SGCZ: variants seen among roughly 807,000 people sequenced by gnomAD.
SGCZ encodes the protein sarcoglycan zeta.
In SGCZ, 40 loss-of-function variants were observed where a neutral mutation model predicts 41.3. The observed-to-expected ratio is 0.97, with a 90% CI of 0.75 to 1.26. The LOEUF (loss-of-function observed/expected upper bound fraction) is 1.26, where lower values mean the gene tolerates loss of function less well. Ranked by LOEUF, SGCZ falls within the 50% of genes most tolerant of loss-of-function variation. The pLI is 0.00. For missense variants in SGCZ, 552 were observed against 369.8 expected, an observed-to-expected ratio of 1.49 and a Z score of -4.04; for synonymous variants, 206 against 137.5, an observed-to-expected ratio of 1.50 and a Z score of -3.49.
chr8:14,257,055 G>T (rs752107842), intron 3 of SGCZ, among the ~76,000 whole-genome samples: 1 of 152,056 alleles, frequency 6.6e-6, no homozygotes, highest in Non-Finnish European at 1.5e-5. Flanking sequence ...TTCTGGCCAG[G>T]CGTGGTGGCT....
intron 1 of SGCZ, among the ~76,000 whole-genome samples, chr8:15,181,375 A>C (rs1206985958): frequency 2.6e-5 from 4 of 152,134 alleles, no homozygotes; most frequent in African/African-American, 4.8e-5. Context: ...AAAACACCTA[A>C]GGGCTAAAGA....
intron 1 of SGCZ, among the ~76,000 whole-genome samples, chr8:14,819,974 C>A (rs568143724): frequency 1.3e-5 from 2 of 151,940 alleles, no homozygotes; most frequent in South Asian, 4.1e-4. Flanking sequence ...ATAAAAGAAC[C>A]AGGAAACAAC....
intron 1 of SGCZ, among the ~76,000 whole-genome samples, chr8:15,021,956 C>A (rs1803266576): frequency 1.3e-5 from 2 of 152,162 alleles, no homozygotes; most frequent in South Asian, 4.1e-4. Flanking sequence ...CCTGATGACC[C>A]AATTTTATGG....
At chr8:14,700,854 T>A (rs1809113235) in intron 1 of SGCZ, among the ~76,000 whole-genome samples, 1 of 151,478 alleles carries the variant, frequency 6.6e-6, no homozygotes, top group South Asian at 2.1e-4. Flanking sequence ...ACAAAGCTTA[T>A]TAAAGCATTA....
intron 4 of SGCZ, among the ~76,000 whole-genome samples, chr8:14,225,638 T>C (rs1318807744): frequency 6.6e-6 from 1 of 152,106 alleles, no homozygotes; most frequent in Non-Finnish European, 1.5e-5. Context: ...ATATGTGATA[T>C]GCTAAAGGAG....
chr8:15,100,309 CA>C (rs1299746530), intron 1 of SGCZ, among the ~76,000 whole-genome samples: 1 of 151,742 alleles, frequency 6.6e-6, no homozygotes, highest in Non-Finnish European at 1.5e-5. Context: ...ATTTCAGCAC[CA>C]AAAAAATGTA....
At chr8:15,147,483 C>T (rs1483428378) in intron 1 of SGCZ, among the ~76,000 whole-genome samples, 1 of 152,084 alleles carries the variant, frequency 6.6e-6, no homozygotes, top group Non-Finnish European at 1.5e-5. Context: ...TCTCCATGTT[C>T]GTCAGGCTGG....
At chr8:14,802,517 C>T (rs1177075736) in intron 1 of SGCZ, among the ~76,000 whole-genome samples, 1 of 152,140 alleles carries the variant, frequency 6.6e-6, no homozygotes, top group Non-Finnish European at 1.5e-5. Flanking sequence ...GATTCAAAAT[C>T]ACCATTTAAT....
intron 4 of SGCZ, among the ~76,000 whole-genome samples, chr8:14,190,133 C>T (rs1296543465): frequency 6.7e-6 from 1 of 150,232 alleles, no homozygotes; most frequent in Non-Finnish European, 1.5e-5. Context: ...CTGCCTCAGC[C>T]TCCTGAGTAG....
At chr8:15,218,918 C>T (rs899032791) in intron 1 of SGCZ, among the ~76,000 whole-genome samples, 9 of 152,094 alleles carry the variant, frequency 5.9e-5, no homozygotes, top group Non-Finnish European at 7.4e-5. Context: ...CCACAAGTGG[C>T]GCTGAAAATG....
chr8:14,964,989 C>T (rs1462964920), intron 1 of SGCZ, among the ~76,000 whole-genome samples: 1 of 152,084 alleles, frequency 6.6e-6, no homozygotes, highest in Non-Finnish European at 1.5e-5. Context: ...TACCTTTTAC[C>T]CACTCAGTTC....
intron 2 of SGCZ, among the ~76,000 whole-genome samples, chr8:14,522,456 T>C (rs902061538): frequency 1.3e-5 from 2 of 152,098 alleles, no homozygotes; most frequent in East Asian, 1.9e-4. Flanking sequence ...TTGGGTGAGG[T>C]ATGATAGTTT....
chr8:14,969,236 T>C (rs895132629), intron 1 of SGCZ, among the ~76,000 whole-genome samples: 3 of 152,162 alleles, frequency 2.0e-5, no homozygotes, highest in Admixed American at 6.6e-5. Context: ...CATGTTATTA[T>C]ATTTGGGTGT....
intron 1 of SGCZ, among the ~76,000 whole-genome samples, chr8:14,736,055 C>A (rs976192133): frequency 6.6e-6 from 1 of 152,110 alleles, no homozygotes; most frequent in African/African-American, 2.4e-5. Flanking sequence ...GATTTCTACT[C>A]TGCATTTAAG....
chr8:14,951,136 G>C (rs1800623245), intron 1 of SGCZ, among the ~76,000 whole-genome samples: 1 of 151,830 alleles, frequency 6.6e-6, no homozygotes, highest in African/African-American at 2.4e-5. Context: ...GTAATCTTAT[G>C]TTTAGTCCCA....
chr8:15,210,160 T>C (rs1213142346), intron 1 of SGCZ, among the ~76,000 whole-genome samples: 4 of 152,076 alleles, frequency 2.6e-5, no homozygotes, highest in African/African-American at 7.2e-5. Context: ...TTCAGAAAGG[T>C]AGAAAGAATT....
At chr8:15,168,023 G>C (rs1444325708) in intron 1 of SGCZ, among the ~76,000 whole-genome samples, 2 of 152,170 alleles carry the variant, frequency 1.3e-5, no homozygotes, top group East Asian at 3.9e-4. Flanking sequence ...AATCTTTGCA[G>C]CATAACTATA....
At chr8:14,351,566 A>G (rs562759455) in intron 2 of SGCZ, among the ~76,000 whole-genome samples, 29 of 151,250 alleles carry the variant, frequency 1.9e-4, no homozygotes, top group African/African-American at 6.8e-4. Flanking sequence ...AGAAGGATAT[A>G]TAATATATAA....
At chr8:14,901,171 T>G (rs1395186873) in intron 1 of SGCZ, among the ~76,000 whole-genome samples, 2 of 152,208 alleles carry the variant, frequency 1.3e-5, no homozygotes, top group Non-Finnish European at 2.9e-5. Flanking sequence ...CAGATCAAAT[T>G]GCAACTTTTA....
Sources: gnomAD v4.1 joint callset for allele counts (sites outside exome capture counted in the v4.1 genomes callset) on GRCh38, gnomAD v4.1.1 for gene constraint, MANE v1.5 for transcripts, NCBI Gene and HGNC (gene_info 2026-07-23, HGNC 2026-07-21) for gene names.